The following CCDC146 variants were observed in gnomAD, a reference collection of about 807,000 sequenced individuals.
CCDC146 encodes coiled-coil domain-containing protein 146.
Under a neutral mutation model 119.3 loss-of-function variants are expected in CCDC146, and 92 were observed. The observed-to-expected ratio is 0.77, with a 90% confidence interval of 0.65 to 0.92. CCDC146 has a LOEUF of 0.92. Ranked by LOEUF, CCDC146 falls within the 40% of genes least tolerant of loss-of-function variation. The pLI, the probability that CCDC146 is intolerant of heterozygous loss-of-function variation, is 0.00. For synonymous variants in CCDC146, 372 were observed against 371.8 expected, an observed-to-expected ratio of 1.00 and a Z score of -0.01; for missense variants, 1,000 against 1,103.0, an observed-to-expected ratio of 0.91 and a Z score of 1.32.
At chr7:77,287,066 C>T (rs1006699157) in intron 16 of CCDC146, 140 bp downstream of exon 16, 3 of 935,340 alleles carry the variant, frequency 3.2e-6, no homozygotes, top group Middle Eastern at 2.4e-4. Context: ...TTGTTGTAAT[C>T]TAGTCATACA....
chr7:77,232,764 TG>T (rs1006040970), intron 2 of CCDC146, among the ~76,000 whole-genome samples: 2 of 152,118 alleles, frequency 1.3e-5, no homozygotes, highest in Admixed American at 1.3e-4. Context: ...CAGCTGCCCA[TG>T]GGGAAGAAGG....
chr7:77,248,068 C>CAT, intron 4 of CCDC146, among the ~76,000 whole-genome samples: 1 of 152,224 alleles, frequency 6.6e-6, no homozygotes, highest in Non-Finnish European at 1.5e-5. Context: ...GAAAATGTGA[C>CAT]ATATATATAC....
intron 1 of CCDC146, among the ~76,000 whole-genome samples, chr7:77,123,460 A>G (rs1474674517): frequency 2.3e-5 from 3 of 129,806 alleles, no homozygotes; most frequent in African/African-American, 8.8e-5. Flanking sequence ...GTGTGTGTTT[A>G]CCTTTTATAA....
chr7:77,170,292 G>T (rs995198203), intron 2 of CCDC146, among the ~76,000 whole-genome samples: 2 of 152,086 alleles, frequency 1.3e-5, no homozygotes, highest in African/African-American at 4.8e-5. Flanking sequence ...CTATGTCTCT[G>T]TGAAGGACAT....
intron 2 of CCDC146, among the ~76,000 whole-genome samples, chr7:77,213,183 T>G (rs767404157): frequency 1.3e-5 from 2 of 152,076 alleles, no homozygotes; most frequent in Non-Finnish European, 2.9e-5. Context: ...CTTGACTTCC[T>G]GGGCTCAAGC....
In CCDC146 at chr7:77,294,734, C is replaced by T. The variant is rs1279166123; in HGVS notation, c.2736C>T (p.Ala912=). ...VYTTAEQRPN[A]YIPEADATLP... The stretch of plus-strand genomic sequence containing the variant: ...CAACTGCAGAGCAGCGTCCGAATGC[C>T]TACATCCCAGAAGCAGATGCCACTC... The change falls in exon 19 of 19, where the codon GCC becomes GCT. Residue 912 remains alanine, a synonymous_variant. Transcript: ENST00000285871. 3 of 1,614,180 alleles carry T rather than the reference C, an allele frequency of 1.9e-6. No individual in the cohort carries two copies. The highest frequency in any genetic ancestry group is 2.5e-6 in the Non-Finnish European group (3 of 1,180,032).
chr7:77,241,809 G>T lies in CCDC146; in HGVS notation c.358G>T (p.Val120Phe), dbSNP rs142441315. The change falls in exon 4 of 19, where the codon GTC becomes TTC. Residue 120 changes from valine to phenylalanine, a missense_variant. Coordinates refer to ENST00000285871, the MANE Select transcript of CCDC146 (RefSeq NM_020879.3). ...DNFPEAFSTE[V>F]SKMREQLLKY... is the part of the protein sequence containing the mutation. The stretch of plus-strand genomic sequence containing the variant: ...TTTTCCAGAAGCATTCTCCACGGAG[G>T]TCTCCAAAATGAGAGAACAACTTCT... The T allele has an allele frequency of 6.2e-7, 1 of 1,614,020 alleles. No individual in the cohort carries two copies. The highest frequency in any genetic ancestry group is 8.5e-7 in the Non-Finnish European group (1 of 1,179,976).
chr7:77,211,598 AT>A (rs952830091), intron 2 of CCDC146, among the ~76,000 whole-genome samples: 40 of 151,420 alleles, frequency 2.6e-4, no homozygotes, highest in African/African-American at 7.3e-4. Context: ...CTTCTATTTT[AT>A]TTTTTTTATT....
intron 9 of CCDC146, among the ~76,000 whole-genome samples, chr7:77,271,496 C>T (rs4989882): frequency 0.086 from 10,883 of 126,408 alleles, 1,110 homozygotes; most frequent in East Asian, 0.42. Context: ...TATATATATA[C>T]ACACACACTA....
intron 15 of CCDC146, among the ~76,000 whole-genome samples, chr7:77,285,615 A>G (rs1163730969): frequency 1.3e-5 from 2 of 152,238 alleles, no homozygotes; most frequent in Non-Finnish European, 2.9e-5. Flanking sequence ...AGGTTTAGAG[A>G]AGATAAATGA....
intron 2 of CCDC146, among the ~76,000 whole-genome samples, chr7:77,218,337 A>G (rs1336125102): frequency 1.3e-5 from 2 of 151,270 alleles, no homozygotes; most frequent in Admixed American, 6.6e-5. Context: ...ATATGTATGT[A>G]TATATAAATT....
chr7:77,191,153 G>A (rs889437222), intron 2 of CCDC146, among the ~76,000 whole-genome samples: 9 of 152,150 alleles, frequency 5.9e-5, no homozygotes, highest in Non-Finnish European at 1.5e-5. Context: ...GTATGCCATA[G>A]GAACTTCATT....
intron 17 of CCDC146, among the ~76,000 whole-genome samples, chr7:77,288,585 A>G (rs572527073): frequency 1.8e-4 from 28 of 152,164 alleles, no homozygotes; most frequent in Non-Finnish European, 4.0e-4. Flanking sequence ...AGGACTGGCC[A>G]CTCACCTGGC....
At chr7:77,186,880 G>A (rs917270251) in intron 2 of CCDC146, among the ~76,000 whole-genome samples, 5 of 152,132 alleles carry the variant, frequency 3.3e-5, no homozygotes, top group East Asian at 1.9e-4. Context: ...GTTATAGCTC[G>A]GTGTTTGTCT....
chr7:77,228,336 T>C (rs1043510160), intron 2 of CCDC146, among the ~76,000 whole-genome samples: 1 of 152,138 alleles, frequency 6.6e-6, no homozygotes, highest in African/African-American at 2.4e-5. Context: ...CAGGCCCCAG[T>C]GTGTGTTGTT....
intron 11 of CCDC146, among the ~76,000 whole-genome samples, chr7:77,276,597 C>T (rs528930889): frequency 2.6e-5 from 4 of 152,124 alleles, no homozygotes; most frequent in Non-Finnish European, 4.4e-5. Context: ...CCATGTTAAA[C>T]AATTTAGACT....
intron 1 of CCDC146, among the ~76,000 whole-genome samples, chr7:77,141,047 C>A (rs1308932295): frequency 6.6e-6 from 1 of 152,014 alleles, no homozygotes; most frequent in African/African-American, 2.4e-5. Context: ...TTAGGTATTT[C>A]TCCTAATGCT....
intron 2 of CCDC146, among the ~76,000 whole-genome samples, chr7:77,186,831 A>G (rs867140960): frequency 6.6e-6 from 1 of 152,208 alleles, no homozygotes; most frequent in Non-Finnish European, 1.5e-5. Context: ...AAAGTGACGT[A>G]TAGGAATTGG....
intron 6 of CCDC146, 129 bp downstream of exon 6, chr7:77,256,638 G>A (rs74415109): frequency 1.9e-3 from 1,314 of 700,490 alleles, no homozygotes; most frequent in Non-Finnish European, 2.6e-3. Flanking sequence ...TCTGCATTGC[G>A]ATTGATCCTA....
Sources: allele counts gnomAD v4.1 joint callset (sites outside exome capture counted in the v4.1 genomes callset), GRCh38; gene constraint gnomAD v4.1.1; transcripts MANE v1.5; gene names NCBI Gene and HGNC (gene_info 2026-07-23, HGNC 2026-07-21).